The following USP46 variants were observed in gnomAD, a reference collection of about 807,000 sequenced individuals.
USP46 encodes ubiquitin carboxyl-terminal hydrolase 46.
Under a neutral mutation model 44.4 loss-of-function variants are expected in USP46, and 12 were observed. That is an observed-to-expected ratio of 0.27 (90% CI 0.17 to 0.44). The LOEUF is 0.44. Among genes scored for constraint, USP46 ranks in the 20% least tolerant of loss-of-function variants. USP46 has a pLI of 1.00. For missense variants in USP46, 248 were observed against 444.8 expected (o/e 0.56, Z 3.98); for synonymous variants, 155 against 161.5 (o/e 0.96, Z 0.31).
chr4:52,642,877 C>T (rs886638686), intron 1 of USP46, among the ~76,000 whole-genome samples: 7 of 152,222 alleles, frequency 4.6e-5, no homozygotes, highest in Admixed American at 1.3e-4. Context: ...AATGTGCAAT[C>T]TTTACTAAAT....
intron 1 of USP46, chr4:52,658,414 G>T: frequency 2.7e-6 from 1 of 368,806 alleles, no homozygotes; most frequent in South Asian, 2.0e-5. Context: ...GGTCTACAGC[G>T]GATCAGGCAG....
chr4:52,608,639 A>G (rs1311487904), intron 5 of USP46, among the ~76,000 whole-genome samples: 1 of 152,148 alleles, frequency 6.6e-6, no homozygotes, highest in Non-Finnish European at 1.5e-5. Context: ...CCAATGCCCA[A>G]TCCCGCACCC....
At chr4:52,618,135 G>C (rs1055393212) in intron 4 of USP46, among the ~76,000 whole-genome samples, 3 of 152,072 alleles carry the variant, frequency 2.0e-5, no homozygotes, top group African/African-American at 7.2e-5. Context: ...TATAATCCCA[G>C]TGCTTTGGAT....
chr4:52,635,078 T>C (rs576088556), intron 1 of USP46, among the ~76,000 whole-genome samples: 1 of 148,588 alleles, frequency 6.7e-6, no homozygotes, highest in Non-Finnish European at 1.5e-5. Context: ...CTTCTACTTC[T>C]TCTTTTTTTT....
intron 3 of USP46, among the ~76,000 whole-genome samples, chr4:52,627,546 T>C (rs1327728151): frequency 6.6e-6 from 1 of 152,232 alleles, no homozygotes; most frequent in Non-Finnish European, 1.5e-5. Context: ...GAGGCTCTGA[T>C]TAGATAACAG....
intron 1 of USP46, among the ~76,000 whole-genome samples, chr4:52,653,163 A>G (rs1718829397): frequency 6.6e-6 from 1 of 152,172 alleles, no homozygotes; most frequent in Admixed American, 6.5e-5. Context: ...GAAATATTCC[A>G]AAAACCCTTT....
At chr4:52,638,514 C>A (rs752210689) in intron 1 of USP46, among the ~76,000 whole-genome samples, 14 of 151,654 alleles carry the variant, frequency 9.2e-5, no homozygotes, top group Middle Eastern at 3.2e-3. Context: ...AAGTAATATA[C>A]CCCGCCCCAT....
chr4:52,600,566 C>A (rs891524357), intron 7 of USP46, among the ~76,000 whole-genome samples: 1 of 152,124 alleles, frequency 6.6e-6, no homozygotes, highest in African/African-American at 2.4e-5. Context: ...CCCAACCTCC[C>A]GCTGAACGTC....
At position 52,632,972 on chromosome 4, in the gene USP46, GAAAGAAAGAAAGAAAAGA is replaced by G. The variant is rs1560405999; in HGVS notation, c.37-1846_37-1829del. Among the ~76,000 whole-genome samples, 75 of 73,946 alleles carry G rather than the reference GAAAGAAAGAAAGAAAAGA, an allele frequency of 1.0e-3. 1 individual carries two copies. The highest frequency in any genetic ancestry group is 3.8e-3 in the African/African-American group (56 of 14,928). 48.5% of individuals were successfully genotyped at this position (73,946 alleles called of 152,430 possible). A position where few individuals can be genotyped will look rare whatever the true frequency, so the allele number is the denominator to read the frequency against. ...AGAAAGAAAGAAAGAAAGAAAGAAA[GAAAGAAAGAAAGAAAAGA>G]AAAGAAAGAAAGAAAGAAAGAAAGA... On this transcript the variant is annotated intron_variant, in intron 1 of 8. Coordinates refer to ENST00000441222, the MANE Select transcript of USP46 (RefSeq NM_022832.4).
intron 1 of USP46, among the ~76,000 whole-genome samples, chr4:52,648,090 T>A (rs1350984987): frequency 6.6e-6 from 1 of 152,226 alleles, no homozygotes; most frequent in Non-Finnish European, 1.5e-5. Context: ...ATAAGAAGCA[T>A]GTCTTTACAA....
intron 4 of USP46, among the ~76,000 whole-genome samples, chr4:52,624,919 T>G (rs1348885995): frequency 6.6e-6 from 1 of 152,220 alleles, no homozygotes; most frequent in Non-Finnish European, 1.5e-5. Context: ...TCTGGGACTT[T>G]CAGCCTCCAG....
intron 8 of USP46, 79 bp downstream of exon 8, chr4:52,598,549 T>C (rs1341933832): frequency 1.4e-6 from 2 of 1,403,524 alleles, no homozygotes; most frequent in Non-Finnish European, 2.0e-6. Flanking sequence ...AGGCCTATTT[T>C]AGAAAATGTC....
Position 52,605,947 on chromosome 4 carries a change from A to T in USP46, c.639-1363T>A, listed in dbSNP as rs576256936. 3.3e-5 allele frequency among the ~76,000 whole-genome samples: 5 copies of T among 152,296 alleles called. No individual in the cohort carries two copies. The East Asian group carries it at 9.6e-4, about 29-fold the overall frequency. ...CCCGGTTGTTCAGCACTCAGCCTAA[A>T]CATCCCCTCTTTGGAGAAAACTTCT... On this transcript the variant is annotated intron_variant, in intron 5 of 8. Transcript: ENST00000441222.
intron 5 of USP46, among the ~76,000 whole-genome samples, chr4:52,607,009 A>G (rs892771230): frequency 2.6e-5 from 4 of 152,160 alleles, no homozygotes; most frequent in African/African-American, 9.7e-5. Flanking sequence ...TGTGGGTGTG[A>G]TGGAGCTTCA....
intron 1 of USP46, among the ~76,000 whole-genome samples, chr4:52,656,110 T>C (rs1056221785): frequency 2.0e-5 from 3 of 152,138 alleles, no homozygotes; most frequent in African/African-American, 7.2e-5. Flanking sequence ...CCTTCTAATA[T>C]CCTTTCTGAA....
intron 4 of USP46, among the ~76,000 whole-genome samples, chr4:52,616,663 G>A (rs1221246442): frequency 1.3e-5 from 2 of 152,114 alleles, no homozygotes; most frequent in Non-Finnish European, 2.9e-5. Flanking sequence ...ATGAGCCACC[G>A]TGCCTGCCTG....
chr4:52,657,772 G>A (rs987240193), intron 1 of USP46, among the ~76,000 whole-genome samples: 3 of 152,236 alleles, frequency 2.0e-5, no homozygotes, highest in African/African-American at 7.2e-5. Flanking sequence ...TACCTGTGCA[G>A]CTATCACTCT....
Position 52,626,095 on chromosome 4 carries a change from T to C in USP46, c.484A>G (p.Lys162Glu). 1.2e-6 allele frequency: 2 copies of C among 1,613,990 alleles called. No individual in the cohort carries two copies. Among genetic ancestry groups the C allele is most frequent in the Non-Finnish European group, 1.7e-6 (2 of 1,179,876 alleles). The change falls in exon 4 of 9, where the codon AAA becomes GAA. Residue 162 changes from lysine (K) to glutamate (E), a missense_variant. Lys to Glu is a moderately conservative substitution (Grantham distance 56). Around this residue, in one of 5 missense-constraint regions of USP46, gnomAD observed 37 missense variants for 30.6 expected, o/e 1.21. Transcript: ENST00000441222. Reference protein sequence around the residue: ...GNMNEPAENNKPELTWVHEIF... With the variant: ...GNMNEPAENNEPELTWVHEIF... ...TCATGGACCCAGGTGAGTTCTGGTT[T>C]ATTATTTTCCGCAGGTTCGTTCATG...
intron 4 of USP46, among the ~76,000 whole-genome samples, chr4:52,625,220 A>T (rs965408127): frequency 5.9e-5 from 9 of 152,048 alleles, no homozygotes; most frequent in Admixed American, 5.9e-4. Context: ...AACTCATTTA[A>T]TCCTCCCACC....
Sources: gnomAD v4.1 joint callset for allele counts (sites outside exome capture counted in the v4.1 genomes callset) on GRCh38, gnomAD v4.1.1 for gene constraint, gnomAD v4.1.1 regional missense constraint, MANE v1.5 for transcripts, NCBI Gene and HGNC (gene_info 2026-07-23, HGNC 2026-07-21) for gene names.